Variants in PIBF1 observed in about 807,000 individuals in gnomAD.
The protein encoded by PIBF1 is progesterone-induced-blocking factor 1.
Under a neutral mutation model 112.5 loss-of-function variants are expected in PIBF1, and 90 were observed. The ratio of observed to expected loss-of-function variants is 0.80; its 90% CI spans 0.67 to 0.95. PIBF1 has a LOEUF of 0.95. Ranked by LOEUF, PIBF1 falls within the 40% of genes least tolerant of loss-of-function variation. The pLI, the probability that PIBF1 is intolerant of heterozygous loss-of-function variation, is 0.00. For missense variants in PIBF1, 915 were observed against 852.3 expected, an observed-to-expected ratio of 1.07 and a Z score of -0.92; for synonymous variants, 301 against 288.6, an observed-to-expected ratio of 1.04 and a Z score of -0.44.
At chr13:72,784,187 T>C (rs1294815744) in intron 2 of PIBF1, among the ~76,000 whole-genome samples, 1 of 149,120 alleles carries the variant, frequency 6.7e-6, no homozygotes, top group Admixed American at 6.7e-5. Context: ...ACATGACATA[T>C]ACACACAGTT....
chr13:72,966,412 TAA>T (rs1001039724), intron 15 of PIBF1, among the ~76,000 whole-genome samples: 20 of 152,178 alleles, frequency 1.3e-4, no homozygotes, highest in African/African-American at 4.1e-4. Context: ...TCAAAATAAA[TAA>T]GTTTGTTTCT....
rs2041878381 is a variant in PIBF1, at chr13:72,936,628, C to T, written c.1833+5361C>T. The stretch of plus-strand genomic sequence containing the variant: ...AATCATTTATGTGTGAGACTGTTCT[C>T]GACTCTCTGTTCCAGTTATCTGTCT... On this transcript the variant is annotated intron_variant, in intron 14 of 17. Coordinates refer to ENST00000326291, the MANE Select transcript of PIBF1 (RefSeq NM_006346.4). Among the ~76,000 whole-genome samples the T allele has an allele frequency of 3.3e-5, 5 of 152,098 alleles. No homozygotes were observed. In the South Asian group the frequency reaches 8.3e-4, roughly 25 times the overall value.
At chr13:72,786,694 A>G (rs894302326) in intron 2 of PIBF1, among the ~76,000 whole-genome samples, 4 of 152,208 alleles carry the variant, frequency 2.6e-5, no homozygotes, top group African/African-American at 7.2e-5. Context: ...TTTGACATAT[A>G]TAAATGTCTC....
chr13:72,953,735 T>C (rs1220691836), intron 14 of PIBF1, among the ~76,000 whole-genome samples: 1 of 152,158 alleles, frequency 6.6e-6, no homozygotes, highest in Non-Finnish European at 1.5e-5. Context: ...TCCTGAGTGC[T>C]GTGTTATTCT....
At chr13:72,969,331 T>C (rs567646100) in intron 15 of PIBF1, among the ~76,000 whole-genome samples, 79 of 152,332 alleles carry the variant, frequency 5.2e-4, no homozygotes, top group African/African-American at 1.9e-3. Context: ...CCATGTCATT[T>C]ATGGAATTAA....
rs2039903206 is a variant in PIBF1, at chr13:72,887,499, G to GACC, written c.1323-6284_1323-6282dup. On this transcript the variant is annotated intron_variant, in intron 10 of 17. Transcript: ENST00000326291. The stretch of plus-strand genomic sequence containing the variant: ...AGGGTATAAAAAATAACTAACCAAA[G>GACC]ACCTATACCATATACTAGCCACTGA... Among the ~76,000 whole-genome samples, 4 of 151,882 alleles carry GACC rather than the reference G, an allele frequency of 2.6e-5. No homozygotes were observed. The East Asian group carries it at 7.7e-4, about 29-fold the overall frequency.
chr13:72,868,454 T>C (rs1249798496), intron 10 of PIBF1, among the ~76,000 whole-genome samples: 1 of 152,062 alleles, frequency 6.6e-6, no homozygotes, highest in Non-Finnish European at 1.5e-5. Flanking sequence ...TAAATGACAA[T>C]GAAATGTTAG....
Position 72,827,826 on chromosome 13 carries a change from G to A in PIBF1, c.1009G>A (p.Glu337Lys). 6.2e-7 allele frequency: 1 copy of A among 1,603,464 alleles called. No homozygotes were observed. The highest frequency in any genetic ancestry group is 8.5e-7 in the Non-Finnish European group (1 of 1,175,018). The change falls in exon 8 of 18, where the codon GAA (glutamate) becomes AAA (lysine). Residue 337 changes from glutamate to lysine, a missense_variant. By Grantham distance (56) the Glu-to-Lys change is moderately conservative. Coordinates refer to ENST00000326291, the MANE Select transcript of PIBF1 (RefSeq NM_006346.4). ...NMELSVRCAHEEDRLERLQAQ... is the reference protein window; with the variant it reads ...NMELSVRCAHKEDRLERLQAQ... ...GGAGCTTAGTGTTCGCTGTGCTCAT[G>A]AAGAGGATCGCCTTGAAAGACTTCA...
At chr13:72,929,301 G>T (rs79038563) in intron 13 of PIBF1, among the ~76,000 whole-genome samples, 10,119 of 152,090 alleles carry the variant, frequency 0.067, 463 homozygotes, top group Non-Finnish European at 0.11. Context: ...TCACATTAAG[G>T]CTTATTTTAT....
intron 10 of PIBF1, among the ~76,000 whole-genome samples, chr13:72,859,264 A>G (rs1212243478): frequency 6.6e-6 from 1 of 152,176 alleles, no homozygotes; most frequent in Non-Finnish European, 1.5e-5. Flanking sequence ...TTTTTAAGAG[A>G]TATATTGCAG....
chr13:73,012,005 A>G (rs1005542427), intron 17 of PIBF1, among the ~76,000 whole-genome samples: 1 of 152,170 alleles, frequency 6.6e-6, no homozygotes, highest in African/African-American at 2.4e-5. Flanking sequence ...ATCCTAAGAA[A>G]GAACCCCCCC....
intron 11 of PIBF1, among the ~76,000 whole-genome samples, chr13:72,903,053 G>A (rs901435086): frequency 3.3e-5 from 5 of 151,772 alleles, no homozygotes; most frequent in Non-Finnish European, 4.4e-5. Context: ...GCACCACCAC[G>A]CCCAGCTAAT....
intron 5 of PIBF1, among the ~76,000 whole-genome samples, chr13:72,810,199 T>C (rs1293939796): frequency 1.3e-5 from 2 of 152,208 alleles, no homozygotes; most frequent in Non-Finnish European, 2.9e-5. Flanking sequence ...GAATTTTCTC[T>C]ATTAGCAGGT....
chr13:72,835,134 C>T (rs1227401443), intron 8 of PIBF1, 109 bp from the exon 9 acceptor site: 1 of 654,366 alleles, frequency 1.5e-6, no homozygotes, highest in Non-Finnish European at 2.4e-6. Flanking sequence ...TTTCAGGTAA[C>T]ACAGTTTATA....
intron 17 of PIBF1, among the ~76,000 whole-genome samples, chr13:73,002,813 G>A (rs999748535): frequency 2.0e-5 from 3 of 151,772 alleles, no homozygotes; most frequent in East Asian, 3.9e-4. Flanking sequence ...CTGAAATCCC[G>A]TCTCTACTAA....
intron 14 of PIBF1, among the ~76,000 whole-genome samples, chr13:72,940,117 CT>C (rs1459845007): frequency 6.6e-6 from 1 of 152,080 alleles, no homozygotes; most frequent in Non-Finnish European, 1.5e-5. Flanking sequence ...CTTCAATCCT[CT>C]CACCTTCCTT....
chr13:72,933,449 G>A (rs940553704), intron 14 of PIBF1, among the ~76,000 whole-genome samples: 4 of 152,190 alleles, frequency 2.6e-5, no homozygotes, highest in African/African-American at 4.8e-5. Flanking sequence ...ATCACTTGAG[G>A]TCAAGAGTTC....
intron 10 of PIBF1, among the ~76,000 whole-genome samples, chr13:72,892,406 A>G (rs780378983): frequency 2.0e-5 from 3 of 152,132 alleles, no homozygotes; most frequent in Non-Finnish European, 2.9e-5. Flanking sequence ...TCTAATGCCT[A>G]TCTTCTCTGA....
intron 16 of PIBF1, among the ~76,000 whole-genome samples, chr13:72,989,542 AC>A (rs1224579737): frequency 2.6e-5 from 4 of 152,228 alleles, no homozygotes; most frequent in African/African-American, 9.6e-5. Context: ...TTCTACAAGG[AC>A]AAAAAGTAGA....
Sources: gnomAD v4.1 joint callset for allele counts (sites outside exome capture counted in the v4.1 genomes callset) on GRCh38, gnomAD v4.1.1 for gene constraint, MANE v1.5 for transcripts, NCBI Gene and HGNC (gene_info 2026-07-23, HGNC 2026-07-21) for gene names.